The following DCDC1 variants were observed in gnomAD, a reference collection of about 807,000 sequenced individuals.
The protein encoded by DCDC1 is doublecortin domain containing 1.
Under a neutral mutation model 178.3 loss-of-function variants are expected in DCDC1, and 200 were observed. The observed-to-expected ratio is 1.12, with a 90% CI of 1.00 to 1.26. The LOEUF is 1.26. Ranked by LOEUF, DCDC1 falls within the 50% of genes most tolerant of loss-of-function variation. DCDC1 has a pLI of 0.00. For missense variants in DCDC1, 1,983 were observed against 1,749.2 expected, an observed-to-expected ratio of 1.13 and a Z score of -2.38; for synonymous variants, 690 against 604.8, an observed-to-expected ratio of 1.14 and a Z score of -2.07.
intron 31 of DCDC1, 57 bp downstream of exon 31, chr11:30,904,904 A>C (rs1944950044): frequency 1.3e-6 from 2 of 1,597,618 alleles, no homozygotes; most frequent in African/African-American, 1.3e-5. Context: ...TTTAAGAAGA[A>C]TTGCCATTGT....
At chr11:31,245,423 C>T (rs1309258105) in intron 8 of DCDC1, among the ~76,000 whole-genome samples, 1 of 151,688 alleles carries the variant, frequency 6.6e-6, no homozygotes, top group Non-Finnish European at 1.5e-5. Context: ...TATCCATGAT[C>T]ATTTAGAACC....
chr11:31,230,320 A>C (rs1475715839), intron 9 of DCDC1, among the ~76,000 whole-genome samples: 1 of 152,100 alleles, frequency 6.6e-6, no homozygotes, highest in African/African-American at 2.4e-5. Flanking sequence ...ATGTTTTTTT[A>C]CAATAAAAAA....
At chr11:31,188,271 T>C (rs1234661765) in intron 9 of DCDC1, among the ~76,000 whole-genome samples, 3 of 151,312 alleles carry the variant, frequency 2.0e-5, no homozygotes, top group East Asian at 3.9e-4. Context: ...CCCCTTCCTA[T>C]TCTATTTTGG....
intron 9 of DCDC1, among the ~76,000 whole-genome samples, chr11:31,209,037 G>T (rs182293224): frequency 6.6e-6 from 1 of 152,282 alleles, no homozygotes; most frequent in Non-Finnish European, 1.5e-5. Context: ...TTCCTAGAGT[G>T]CTTGGCAGAT....
In DCDC1 at chr11:30,937,892, G is replaced by A. The variant is rs546446104; in HGVS notation, c.2716-5940C>T. Among the ~76,000 whole-genome samples, 4 of 151,800 alleles carry A rather than the reference G, an allele frequency of 2.6e-5. No homozygotes were observed. In the South Asian group the frequency reaches 6.3e-4, roughly 24 times the overall value. On this transcript the variant is annotated intron_variant, in intron 21 of 38. Coordinates refer to ENST00000684477, the MANE Select transcript of DCDC1 (RefSeq NM_001387274.1). The stretch of plus-strand genomic sequence containing the variant: ...TTCCATAACCTGAATCCTTTCTACC[G>A]CCTGCTGACAAACAGCTACTTTGCA...
intron 20 of DCDC1, among the ~76,000 whole-genome samples, chr11:30,970,765 C>A (rs1324521696): frequency 4.7e-5 from 7 of 150,368 alleles, no homozygotes; most frequent in Admixed American, 3.3e-4. Context: ...CTGATCCTTC[C>A]CCCAACTCAA....
chr11:31,168,084 C>G (rs1440018371), intron 9 of DCDC1, among the ~76,000 whole-genome samples: 1 of 152,200 alleles, frequency 6.6e-6, no homozygotes, highest in Non-Finnish European at 1.5e-5. Context: ...AGTTTGAAGT[C>G]AAGTCCCACC....
intron 1 of DCDC1, among the ~76,000 whole-genome samples, chr11:31,368,480 A>G (rs1485690320): frequency 6.6e-6 from 1 of 152,174 alleles, no homozygotes; most frequent in Non-Finnish European, 1.5e-5. Flanking sequence ...TATTTTCATG[A>G]GGCCACACAA....
chr11:31,214,961 T>C (rs1400788538), intron 9 of DCDC1, among the ~76,000 whole-genome samples: 1 of 151,736 alleles, frequency 6.6e-6, no homozygotes, highest in Non-Finnish European at 1.5e-5. Flanking sequence ...TATTTTAAAA[T>C]ATTCATGTCA....
intron 9 of DCDC1, among the ~76,000 whole-genome samples, chr11:31,202,209 T>G (rs866580262): frequency 1.7e-4 from 26 of 152,164 alleles, no homozygotes; most frequent in African/African-American, 6.3e-4. Context: ...TGGTAGACAG[T>G]GTGGTCCTCT....
In DCDC1 at chr11:31,261,541, T is replaced by C. The variant is rs898144279; in HGVS notation, c.1054+3966A>G. 1.9e-4 allele frequency among the ~76,000 whole-genome samples: 29 copies of C among 152,226 alleles called. No homozygotes were observed. The Middle Eastern group carries it at 0.01, about 54-fold the overall frequency. On this transcript the variant is annotated intron_variant, in intron 8 of 38. Transcript: ENST00000684477. Reference sequence around the variant, plus strand: ...TAATACAAGTTTAAAAACAATACAGTGTAACAACTATTTATATAACATTTA... The same window carrying C: ...TAATACAAGTTTAAAAACAATACAGCGTAACAACTATTTATATAACATTTA...
chr11:31,098,376 C>T lies in DCDC1; in HGVS notation c.1983+3801G>A, dbSNP rs573409252. Among the ~76,000 whole-genome samples the T allele has an allele frequency of 2.6e-5, 4 of 152,170 alleles. No individual in the cohort carries two copies. In the East Asian group the frequency reaches 7.7e-4, roughly 29 times the overall value. On this transcript the variant is annotated intron_variant, in intron 15 of 38. Transcript: ENST00000684477. ...CAAATTGTCAATGTGTAGTAGATTC[C>T]AAATCTGTTTTTGAAATGGATAAGA...
chr11:31,240,452 A>T (rs974371183), intron 9 of DCDC1, among the ~76,000 whole-genome samples: 2 of 151,980 alleles, frequency 1.3e-5, no homozygotes, highest in African/African-American at 4.8e-5. Flanking sequence ...CCTTAGTACA[A>T]CACTTTATTC....
intron 19 of DCDC1, 99 bp from the exon 20 acceptor site, chr11:31,064,725 C>T (rs749838850): frequency 1.5e-6 from 1 of 669,280 alleles, no homozygotes; most frequent in Non-Finnish European, 2.7e-6. Flanking sequence ...TTTCATGGTG[C>T]CTTCAGTGTT....
intron 25 of DCDC1, 55 bp downstream of exon 25, chr11:30,920,721 T>C (rs1043112236): frequency 6.3e-7 from 1 of 1,593,076 alleles, no homozygotes; most frequent in Non-Finnish European, 8.6e-7. Flanking sequence ...ATCGGGCTAA[T>C]GAGCTGAGTT....
chr11:31,103,450 T>G (rs2135745224), intron 14 of DCDC1, among the ~76,000 whole-genome samples, 194 bp downstream of exon 14: 1 of 152,306 alleles, frequency 6.6e-6, no homozygotes, highest in African/African-American at 2.4e-5. Flanking sequence ...TTTCTAAAAC[T>G]AAGGAAAGTT....
At position 31,328,177 on chromosome 11, in the gene DCDC1, CCTTCAGGGCTACTTTGCTGTAATA is replaced by C. The variant is rs1201108473; in HGVS notation, c.80_103del (p.Val27_Glu34del). 6.2e-7 allele frequency: 1 copy of C among 1,611,782 alleles called. No individual in the cohort carries two copies. Among genetic ancestry groups the C allele is most frequent in the Admixed American group, 1.7e-5 (1 of 59,942 alleles). On this transcript the variant is annotated inframe_deletion, in exon 3 of 39. Coordinates refer to ENST00000684477, the MANE Select transcript of DCDC1 (RefSeq NM_001387274.1). Reference sequence around the variant, plus strand: ...GTTTACAGTATTCCCATCCAAAGTGCCTTCAGGGCTACTTTGCTGTAATACTTCCATTGCTTCAGTCAAGAGGGA... The same window carrying C: ...GTTTACAGTATTCCCATCCAAAGTGCCTTCCATTGCTTCAGTCAAGAGGGA...
At position 30,944,992 on chromosome 11, in the gene DCDC1, G is replaced by A. The variant is rs543402673; in HGVS notation, c.2715+7453C>T. On this transcript the variant is annotated intron_variant, in intron 21 of 38. Transcript: ENST00000684477. ...TTTTTTTTTTTTTTTTTTTTGAGAC[G>A]GAGTCTCATTCTGTCTCCCAGGTTG... Among the ~76,000 whole-genome samples the A allele has an allele frequency of 4.1e-5, 5 of 123,394 alleles. No homozygotes were observed. In the South Asian group the frequency reaches 1.3e-3, roughly 32 times the overall value. 81.0% of individuals were successfully genotyped at this position (123,394 alleles called of 152,430 possible). A position where few individuals can be genotyped will look rare whatever the true frequency, so the allele number is the denominator to read the frequency against.
chr11:31,302,379 G>T (rs1948172900), intron 6 of DCDC1, among the ~76,000 whole-genome samples: 1 of 151,936 alleles, frequency 6.6e-6, no homozygotes, highest in Non-Finnish European at 1.5e-5. Flanking sequence ...AAACCACATG[G>T]CCATGAATCA....
Sources: allele counts gnomAD v4.1 joint callset (sites outside exome capture counted in the v4.1 genomes callset), GRCh38; gene constraint gnomAD v4.1.1; transcripts MANE v1.5; gene names NCBI Gene and HGNC (gene_info 2026-07-23, HGNC 2026-07-21).